TTC7B: variants seen among roughly 807,000 people sequenced by gnomAD.
TTC7B encodes the protein tetratricopeptide repeat domain 7B.
TTC7B carries 28 observed loss-of-function variants against 106.8 expected under a neutral mutation model. That is an observed-to-expected ratio of 0.26 (90% CI 0.19 to 0.36). The LOEUF (loss-of-function observed/expected upper bound fraction) is 0.36, where lower values mean the gene tolerates loss of function less well. TTC7B is among the 10% of genes least tolerant of loss of function. TTC7B has a pLI of 1.00. For synonymous variants in TTC7B, 405 were observed against 430.6 expected (o/e 0.94, Z 0.74); for missense variants, 862 against 1,076.4 (o/e 0.80, Z 2.79).
chr14:90,723,004 C>T (rs1466272112), intron 5 of TTC7B, among the ~76,000 whole-genome samples: 2 of 152,200 alleles, frequency 1.3e-5, no homozygotes, highest in African/African-American at 2.4e-5. Context: ...AATCAATATG[C>T]TGAAATTCCC....
rs1293386118 is a variant in TTC7B, at chr14:90,608,392, G to C, written c.1966+2350C>G. On this transcript the variant is annotated intron_variant, in intron 17 of 19. Coordinates refer to ENST00000328459, the MANE Select transcript of TTC7B (RefSeq NM_001010854.2). The surrounding 1 kb of genome is among the most constrained non-coding windows in gnomAD (Gnocchi z 5.1). ...TTGCAGCTGCCTGGTTGGGTCGGGG[G>C]TGGTGTAGGGCTGGTGGCAGGAGTC... 2.0e-5 allele frequency among the ~76,000 whole-genome samples: 3 copies of C among 152,208 alleles called. No homozygotes were observed. Among genetic ancestry groups the C allele is most frequent in the Non-Finnish European group, 4.4e-5 (3 of 68,038 alleles).
chr14:90,637,505 C>A (rs1241906639), intron 15 of TTC7B, among the ~76,000 whole-genome samples: 3 of 152,118 alleles, frequency 2.0e-5, no homozygotes, highest in Non-Finnish European at 4.4e-5. Context: ...AAGTACTACT[C>A]CAACTCACTT....
chr14:90,733,661 G>A (rs969500767), intron 4 of TTC7B, among the ~76,000 whole-genome samples: 18 of 152,202 alleles, frequency 1.2e-4, no homozygotes, highest in African/African-American at 4.1e-4. Context: ...CTTAACAAGC[G>A]CAGCTGGCTC....
At chr14:90,553,435 G>A (rs1407568342) in intron 19 of TTC7B, among the ~76,000 whole-genome samples, 4 of 152,198 alleles carry the variant, frequency 2.6e-5, no homozygotes, top group African/African-American at 4.8e-5. Flanking sequence ...CCTGGGCCTC[G>A]GCTCTCCGAT....
chr14:90,752,302 G>A (rs1175402172), intron 3 of TTC7B, among the ~76,000 whole-genome samples: 4 of 152,112 alleles, frequency 2.6e-5, no homozygotes. Flanking sequence ...AGCATTGCTT[G>A]AGCCCAAGAG....
At chr14:90,768,790 C>T (rs957512822) in intron 3 of TTC7B, among the ~76,000 whole-genome samples, 2 of 152,150 alleles carry the variant, frequency 1.3e-5, no homozygotes, top group African/African-American at 4.8e-5. Context: ...AAAGTGAATA[C>T]ATTAGCAATT....
chr14:90,661,330 G>A lies in TTC7B; in HGVS notation c.1153-2943C>T, dbSNP rs565830427. On this transcript the variant is annotated intron_variant, in intron 9 of 19. Transcript: ENST00000328459. ...GCCCTCTTAGCTGCTTTGCTGTACT[G>A]AGGAAGGTGTCACTGTGCCTTTAAG... is the stretch of plus-strand genomic sequence containing the variant. 4.6e-5 allele frequency among the ~76,000 whole-genome samples: 7 copies of A among 152,338 alleles called. No individual in the cohort carries two copies. The East Asian group carries it at 1.4e-3, about 29-fold the overall frequency.
At chr14:90,814,209 G>A (rs1292618928) in intron 1 of TTC7B, among the ~76,000 whole-genome samples, 2 of 152,200 alleles carry the variant, frequency 1.3e-5, no homozygotes, top group Non-Finnish European at 2.9e-5. Context: ...ATTGGGAGCA[G>A]CCCCTGGGAA....
chr14:90,746,315 T>C (rs932183064), intron 3 of TTC7B, among the ~76,000 whole-genome samples: 1 of 152,152 alleles, frequency 6.6e-6, no homozygotes, highest in Non-Finnish European at 1.5e-5. Context: ...GTAGTTTATA[T>C]CTTCCAAATA....
chr14:90,589,818 C>T (rs889409035), intron 18 of TTC7B, among the ~76,000 whole-genome samples: 3 of 152,210 alleles, frequency 2.0e-5, no homozygotes, highest in Non-Finnish European at 4.4e-5. Flanking sequence ...AAAGAGTCAA[C>T]ATGGCACAAA....
At chr14:90,586,151 G>T (rs1211785694) in intron 18 of TTC7B, among the ~76,000 whole-genome samples, 2 of 152,294 alleles carry the variant, frequency 1.3e-5, no homozygotes, top group East Asian at 1.9e-4. Context: ...CCAGGTTCTC[G>T]CCTTCACCGC....
At chr14:90,543,741 T>C (rs180766474) in intron 19 of TTC7B, among the ~76,000 whole-genome samples, 27 of 152,362 alleles carry the variant, frequency 1.8e-4, no homozygotes, top group African/African-American at 6.3e-4. Context: ...GAATGAGTTA[T>C]GGCCCTCTGC....
chr14:90,706,608 A>G (rs1888222172), intron 5 of TTC7B, among the ~76,000 whole-genome samples: 1 of 152,222 alleles, frequency 6.6e-6, no homozygotes, highest in South Asian at 2.1e-4. Context: ...TCATTTGATT[A>G]GTCTATTGCA....
At position 90,610,805 on chromosome 14, in the gene TTC7B, T is replaced by C. The variant is rs1892841279; in HGVS notation, c.1903A>G (p.Thr635Ala). 1.2e-6 allele frequency: 2 copies of C among 1,613,990 alleles called. No homozygotes were observed. The highest frequency in any genetic ancestry group is 2.2e-5 in the South Asian group (2 of 91,072). The change falls in exon 17 of 20, where the codon ACC becomes GCC. Residue 635 changes from threonine to alanine, a missense_variant. Physicochemically the swap from Thr to Ala is moderately conservative, Grantham distance 58. Coordinates refer to ENST00000328459, the MANE Select transcript of TTC7B (RefSeq NM_001010854.2). The part of the protein sequence containing the change: ...SGRGSSLLDR[T>A]IADRRQLNTI... ...TTAAGCTGTCGTCTGTCAGCAATGG[T>C]TCTATCTAAGAGGCTGCTCCCACGT...
intron 1 of TTC7B, among the ~76,000 whole-genome samples, chr14:90,787,769 T>C (rs902818550): frequency 2.0e-5 from 3 of 152,034 alleles, no homozygotes; most frequent in African/African-American, 4.8e-5. Flanking sequence ...AAAATAACCT[T>C]TTAGAGATGA....
intron 1 of TTC7B, among the ~76,000 whole-genome samples, chr14:90,804,377 G>A (rs1046429651): frequency 6.6e-6 from 1 of 152,046 alleles, no homozygotes; most frequent in Admixed American, 6.6e-5. Context: ...CTGAAGCCTC[G>A]AGGCTGCAGG....
At chr14:90,704,950 G>A (rs926901785) in intron 5 of TTC7B, among the ~76,000 whole-genome samples, 5 of 152,196 alleles carry the variant, frequency 3.3e-5, no homozygotes, top group African/African-American at 9.6e-5. Flanking sequence ...AAAAGAAAAA[G>A]CTTTGCTAAG....
rs752707018 is a variant in TTC7B, at chr14:90,529,868, G to T, written c.*11500C>A. The T allele has an allele frequency of 3.9e-5, 6 of 152,228 alleles. No homozygotes were observed. Among genetic ancestry groups the T allele is most frequent in the Non-Finnish European group, 8.8e-5 (6 of 68,038 alleles). 9.4% of individuals were successfully genotyped at this position (152,228 alleles called of 1,614,324 possible). ...CTGCAGTGCATCCATGTGAGGGGAG[G>T]TTATGCTGTCTCTAAGTTATCTAGA... On this transcript the variant is annotated 3_prime_UTR_variant, in exon 20 of 20. Coordinates refer to ENST00000328459, the MANE Select transcript of TTC7B (RefSeq NM_001010854.2).
chr14:90,562,952 C>A (rs760494946), intron 19 of TTC7B, among the ~76,000 whole-genome samples: 66 of 152,202 alleles, frequency 4.3e-4, no homozygotes, highest in Non-Finnish European at 7.8e-4. Flanking sequence ...GCACCTCCCT[C>A]CCCCAACCCC....
Sources: allele counts gnomAD v4.1 joint callset (sites outside exome capture counted in the v4.1 genomes callset), GRCh38; gene constraint gnomAD v4.1.1; non-coding constraint Gnocchi (gnomAD v3.1); transcripts MANE v1.5; gene names NCBI Gene and HGNC (gene_info 2026-07-23, HGNC 2026-07-21).